Variants in FOXJ3 observed in about 807,000 individuals in gnomAD.
FOXJ3 encodes forkhead box J3, also known as forkhead box protein J3.
In FOXJ3, 22 loss-of-function variants were observed where a neutral mutation model predicts 76.1. That is an observed-to-expected ratio of 0.29 (90% CI 0.21 to 0.41). The LOEUF (loss-of-function observed/expected upper bound fraction) is 0.41, where lower values mean the gene tolerates loss of function less well. Ranked by LOEUF, FOXJ3 falls within the 10% of genes least tolerant of loss-of-function variation. FOXJ3 has a pLI of 1.00. For missense variants in FOXJ3, 613 were observed against 762.1 expected, an observed-to-expected ratio of 0.80 and a Z score of 2.30; for synonymous variants, 269 against 261.2, an observed-to-expected ratio of 1.03 and a Z score of -0.29.
chr1:42,217,900 C>A (rs181636392), intron 5 of FOXJ3, among the ~76,000 whole-genome samples: 35 of 152,218 alleles, frequency 2.3e-4, no homozygotes, highest in African/African-American at 8.4e-4. Context: ...AAACAAAAAC[C>A]TACCCATTCA....
chr1:42,206,613 T>C (rs1188461062), intron 5 of FOXJ3, among the ~76,000 whole-genome samples: 4 of 152,206 alleles, frequency 2.6e-5, no homozygotes, highest in African/African-American at 9.7e-5. Context: ...TTTATTTTTA[T>C]TGATACATAT....
rs1210379102 is a variant in FOXJ3 at position 42,191,464 on chromosome 1, G to C, written c.1190C>G (p.Ser397Cys). ...PHGLPQHPQR[S>C]PHPAPHPQQH... is the part of the protein sequence containing the mutation. Reference sequence around the variant, plus strand: ...CTGTGGGTGTGGTGCTGGGTGTGGGGAACGCTGCGGATGCTGCGGTAAACC... The same window carrying C: ...CTGTGGGTGTGGTGCTGGGTGTGGGCAACGCTGCGGATGCTGCGGTAAACC... Residue 397 changes from serine (S) to cysteine (C), a missense_variant, in exon 9 of 13, where the codon TCC becomes TGC. Ser to Cys is a moderately radical substitution (Grantham distance 112). Around this residue, in one of 3 missense-constraint regions of FOXJ3, gnomAD observed 526 missense variants for 601.4 expected, o/e 0.87. Coordinates refer to ENST00000361346, the MANE Select transcript of FOXJ3 (RefSeq NM_014947.5). 1.2e-6 allele frequency: 2 copies of C among 1,613,460 alleles called. No individual in the cohort carries two copies. The highest frequency in any genetic ancestry group is 3.3e-5 in the Admixed American group (2 of 59,984).
chr1:42,302,344 A>C (rs1654203478), intron 2 of FOXJ3, among the ~76,000 whole-genome samples: 3 of 152,244 alleles, frequency 2.0e-5, no homozygotes, highest in Admixed American at 2.0e-4. Flanking sequence ...GTTTACAGAG[A>C]AGCTCTCTGT....
intron 1 of FOXJ3, among the ~76,000 whole-genome samples, chr1:42,315,917 G>A (rs1655079217): frequency 6.6e-6 from 1 of 152,216 alleles, no homozygotes; most frequent in Admixed American, 6.5e-5. Flanking sequence ...CAACCAGAAT[G>A]AGTACTAAAA....
chr1:42,281,557 T>A (rs2124682930), intron 2 of FOXJ3, among the ~76,000 whole-genome samples: 1 of 152,352 alleles, frequency 6.6e-6, no homozygotes, highest in South Asian at 2.1e-4. Context: ...AAGTACACTA[T>A]AAAAACATCT....
chr1:42,324,407 T>C (rs908090156), intron 1 of FOXJ3, among the ~76,000 whole-genome samples: 2 of 148,098 alleles, frequency 1.4e-5, no homozygotes, highest in African/African-American at 2.5e-5. Flanking sequence ...ATATACTATA[T>C]ATAACATATA....
rs186848028 is a variant in FOXJ3 at position 42,186,757 on chromosome 1, T to C, written c.1645+1980A>G. On this transcript the variant is annotated intron_variant, in intron 11 of 12. Transcript: ENST00000361346. ...AAGTTCCAAGACCAAAAGGTACACA[T>C]AGACCTTTCTTACAGACTTAGGGCA... Among the ~76,000 whole-genome samples the C allele has an allele frequency of 3.4e-3, 511 of 152,256 alleles. 5 individuals are homozygous for C. Among genetic ancestry groups the C allele is most frequent in the African/African-American group, 0.012 (490 of 41,512 alleles).
At chr1:42,200,749 T>C (rs556286032) in intron 6 of FOXJ3, among the ~76,000 whole-genome samples, 2 of 152,226 alleles carry the variant, frequency 1.3e-5, no homozygotes, top group East Asian at 1.9e-4. Flanking sequence ...AAAGGAGGCT[T>C]TGGGATTACA....
At chr1:42,327,706 T>C (rs1242085039) in intron 1 of FOXJ3, among the ~76,000 whole-genome samples, 3 of 151,918 alleles carry the variant, frequency 2.0e-5, no homozygotes, top group African/African-American at 4.8e-5. Context: ...AAAAAAAAGA[T>C]GATTCCAATT....
chr1:42,259,673 C>G (rs1650885886), intron 4 of FOXJ3, among the ~76,000 whole-genome samples: 2 of 152,200 alleles, frequency 1.3e-5, no homozygotes, highest in Non-Finnish European at 2.9e-5. Flanking sequence ...CTTGGTTTGT[C>G]TAATGGAATG....
chr1:42,249,867 G>C (rs1451885557), intron 4 of FOXJ3, among the ~76,000 whole-genome samples: 1 of 152,138 alleles, frequency 6.6e-6, no homozygotes, highest in African/African-American at 2.4e-5. Context: ...AATTAATTTT[G>C]AAAAGTTAGA....
intron 9 of FOXJ3, among the ~76,000 whole-genome samples, chr1:42,190,532 A>T (rs537038150): frequency 6.6e-6 from 1 of 152,226 alleles, no homozygotes; most frequent in Admixed American, 6.5e-5. Context: ...CTTTAGTTCA[A>T]GAAGAACTTC....
At chr1:42,289,170 CAT>C (rs1653256205) in intron 2 of FOXJ3, among the ~76,000 whole-genome samples, 1 of 151,528 alleles carries the variant, frequency 6.6e-6, no homozygotes, top group African/African-American at 2.4e-5. Flanking sequence ...TATATTTAGA[CAT>C]GTGTCTTAAT....
chr1:42,311,123 GAA>G lies in FOXJ3; in HGVS notation c.-17-15_-17-14del, dbSNP rs534694493. ...CCACAAAGAGAATCTGAAAAGCAAA[GAA>G]GAGTTAGTTATCAGATACTGCAAAG... On this transcript the variant is annotated splice_polypyrimidine_tract_variant and intron_variant, in intron 1 of 12. Transcript: ENST00000361346. The G allele has an allele frequency of 3.2e-5, 51 of 1,572,714 alleles. 1 individual carries two copies. In the South Asian group the frequency reaches 5.3e-4, roughly 16 times the overall value.
chr1:42,228,664 G>A (rs1211244781), intron 4 of FOXJ3, among the ~76,000 whole-genome samples: 1 of 150,804 alleles, frequency 6.6e-6, no homozygotes, highest in African/African-American at 2.4e-5. Flanking sequence ...GAAAGATAAA[G>A]TGGCTTTCCC....
chr1:42,305,174 A>G (rs1654381549), intron 2 of FOXJ3, among the ~76,000 whole-genome samples: 1 of 152,212 alleles, frequency 6.6e-6, no homozygotes, highest in Non-Finnish European at 1.5e-5. Flanking sequence ...GGAAATGCAA[A>G]TCAAAACTAT....
intron 4 of FOXJ3, among the ~76,000 whole-genome samples, chr1:42,252,175 T>C (rs1570053509): frequency 6.6e-6 from 1 of 152,274 alleles, no homozygotes; most frequent in East Asian, 1.9e-4. Context: ...TTCCTATTGA[T>C]TGGAATAGTT....
intron 11 of FOXJ3, among the ~76,000 whole-genome samples, chr1:42,183,515 A>T (rs961918554): frequency 2.6e-5 from 4 of 151,972 alleles, no homozygotes; most frequent in African/African-American, 9.7e-5. Flanking sequence ...AAGAGAGAAC[A>T]AACATGACCC....
At chr1:42,250,441 G>T (rs1649933029) in intron 4 of FOXJ3, among the ~76,000 whole-genome samples, 1 of 152,132 alleles carries the variant, frequency 6.6e-6, no homozygotes, top group Non-Finnish European at 1.5e-5. Flanking sequence ...TAACTGGTCA[G>T]GGACATCACA....
Sources: gnomAD v4.1 joint callset for allele counts (sites outside exome capture counted in the v4.1 genomes callset) on GRCh38, gnomAD v4.1.1 for gene constraint, gnomAD v4.1.1 regional missense constraint, MANE v1.5 for transcripts, NCBI Gene and HGNC (gene_info 2026-07-23, HGNC 2026-07-21) for gene names.